Variants in GRIK4 observed in about 807,000 individuals in gnomAD.
GRIK4 encodes glutamate receptor ionotropic, kainate 4.
In GRIK4, 40 loss-of-function variants were observed where a neutral mutation model predicts 104.9. The ratio of observed to expected loss-of-function variants is 0.38; its 90% CI spans 0.30 to 0.50. The LOEUF (loss-of-function observed/expected upper bound fraction) is 0.50. Ranked by LOEUF, GRIK4 falls within the 20% of genes least tolerant of loss-of-function variation. The probability of loss-of-function intolerance (pLI) is 0.93; values close to 1 mark genes in which losing one functional copy is unlikely to be tolerated. For missense variants in GRIK4, 1,047 were observed against 1,308.1 expected (o/e 0.80, Z 3.08); for synonymous variants, 485 against 524.9 (o/e 0.92, Z 1.04).
chr11:120,822,354 G>C (rs1329755161), intron 6 of GRIK4, among the ~76,000 whole-genome samples: 1 of 152,112 alleles, frequency 6.6e-6, no homozygotes, highest in African/African-American at 2.4e-5. Flanking sequence ...AGAAGAAAGG[G>C]AGGCCCAGAA....
At chr11:120,830,034 AG>A (rs977109903) in intron 6 of GRIK4, among the ~76,000 whole-genome samples, 15 of 152,142 alleles carry the variant, frequency 9.9e-5, no homozygotes, top group African/African-American at 3.6e-4. Context: ...AGGCCTTCCC[AG>A]GGCTTCTTCC....
chr11:120,774,750 A>G (rs1470365442), intron 3 of GRIK4, among the ~76,000 whole-genome samples: 4 of 152,152 alleles, frequency 2.6e-5, no homozygotes, highest in African/African-American at 9.7e-5. Flanking sequence ...GTGGAGGGGA[A>G]AGATATCAGG....
chr11:120,575,304 C>T (rs868624593), intron 1 of GRIK4, among the ~76,000 whole-genome samples: 2 of 152,160 alleles, frequency 1.3e-5, no homozygotes, highest in Admixed American at 6.5e-5. Context: ...TTCCATTTAT[C>T]ATCTCAGGCC....
chr11:120,900,435 C>T (rs1942700348), intron 12 of GRIK4, among the ~76,000 whole-genome samples: 1 of 152,096 alleles, frequency 6.6e-6, no homozygotes, highest in South Asian at 2.1e-4. Context: ...ATATGCTGGG[C>T]ACTGTTGTAG....
At chr11:120,927,565 CAAAAAAAAAAAA>C (rs56223442) in intron 13 of GRIK4, among the ~76,000 whole-genome samples, 2 of 101,588 alleles carry the variant, frequency 2.0e-5, no homozygotes, top group African/African-American at 7.8e-5. Flanking sequence ...GACTCTGTCT[CAAAAAAAAAAAA>C]AAAAAAAAAA....
chr11:120,582,701 T>C (rs1175045969), intron 1 of GRIK4, among the ~76,000 whole-genome samples: 2 of 152,248 alleles, frequency 1.3e-5, no homozygotes, highest in African/African-American at 4.8e-5. Flanking sequence ...TTCTTTTTTA[T>C]GGCTGCGTAG....
intron 3 of GRIK4, among the ~76,000 whole-genome samples, chr11:120,696,484 G>T (rs906023034): frequency 1.4e-5 from 2 of 138,568 alleles, no homozygotes; most frequent in African/African-American, 5.2e-5. Context: ...GTGTCAGTGG[G>T]GGGGCATGTG....
intron 3 of GRIK4, among the ~76,000 whole-genome samples, chr11:120,681,266 G>A (rs1230163828): frequency 1.3e-5 from 2 of 152,160 alleles, no homozygotes; most frequent in African/African-American, 4.8e-5. Context: ...TCAGGGTGCA[G>A]GAGGGAAGCG....
At chr11:120,822,950 G>A (rs968831496) in intron 6 of GRIK4, among the ~76,000 whole-genome samples, 1 of 152,182 alleles carries the variant, frequency 6.6e-6, no homozygotes, top group African/African-American at 2.4e-5. Flanking sequence ...GAACACAGTG[G>A]GAAGCTCTGC....
intron 9 of GRIK4, chr11:120,873,533 T>C (rs1425413288): frequency 6.6e-6 from 1 of 152,496 alleles, no homozygotes; most frequent in East Asian, 1.9e-4. Context: ...GGCTTTGAAC[T>C]TACCATGTGC....
At chr11:120,703,140 A>C (rs567082730) in intron 3 of GRIK4, among the ~76,000 whole-genome samples, 1 of 152,350 alleles carries the variant, frequency 6.6e-6, no homozygotes, top group Admixed American at 6.5e-5. Flanking sequence ...GCTACTGAGC[A>C]CTTGAAATGT....
intron 8 of GRIK4, among the ~76,000 whole-genome samples, chr11:120,840,581 A>G (rs73003764): frequency 0.057 from 8,630 of 152,258 alleles, 262 homozygotes; most frequent in Middle Eastern, 0.088. Context: ...GCAGAGAGCA[A>G]CTATGAGGAA....
chr11:120,943,108 A>C (rs1357318190), intron 14 of GRIK4, among the ~76,000 whole-genome samples: 1 of 6,930 alleles, frequency 1.4e-4, no homozygotes, highest in East Asian at 9.1e-3. Flanking sequence ...GTCCCTCTCT[A>C]CACACACACA....
At chr11:120,620,018 G>T in intron 1 of GRIK4, 10 of 525,794 alleles carry the variant, frequency 1.9e-5, no homozygotes, top group Admixed American at 3.1e-5. Flanking sequence ...GGAGCTGTTA[G>T]CGTAGTGAAC....
Position 120,661,244 on chromosome 11 carries a change from C to T in GRIK4, c.82+844C>T, listed in dbSNP as rs12296070. On this transcript the variant is annotated intron_variant, in intron 3 of 20. Coordinates refer to ENST00000527524, the MANE Select transcript of GRIK4 (RefSeq NM_014619.5). ...GGATCAGGGGTGTCTATGTGTACAT[C>T]GGGGGATGGGGATTAGTGTGGACAG... Among the ~76,000 whole-genome samples, 1,257 of 152,092 alleles carry T rather than the reference C, an allele frequency of 8.3e-3. 26 individuals are homozygous for T. Among genetic ancestry groups the T allele is most frequent in the African/African-American group, 0.028 (1,161 of 41,480 alleles).
At chr11:120,777,990 T>G in intron 3 of GRIK4, among the ~76,000 whole-genome samples, 1 of 146,624 alleles carries the variant, frequency 6.8e-6, no homozygotes, top group African/African-American at 2.5e-5. Flanking sequence ...AGGGTAAGGA[T>G]GAGGTGGGGG....
At chr11:120,890,085 G>A (rs1053376267) in intron 11 of GRIK4, among the ~76,000 whole-genome samples, 9 of 152,068 alleles carry the variant, frequency 5.9e-5, no homozygotes, top group African/African-American at 1.9e-4. Flanking sequence ...ACTTCTGGCC[G>A]GCTGCATTCC....
At chr11:120,802,185 C>T (rs1952632241) in intron 3 of GRIK4, among the ~76,000 whole-genome samples, 1 of 152,212 alleles carries the variant, frequency 6.6e-6, no homozygotes, top group Admixed American at 6.5e-5. Flanking sequence ...CCATCGGTGT[C>T]AGAGCCTGGG....
At chr11:120,591,357 G>C (rs1157426251) in intron 1 of GRIK4, among the ~76,000 whole-genome samples, 1 of 152,084 alleles carries the variant, frequency 6.6e-6, no homozygotes, top group Non-Finnish European at 1.5e-5. Flanking sequence ...GATGCTGGCA[G>C]ATGGGCCTAG....
Sources: gnomAD v4.1 joint callset for allele counts (sites outside exome capture counted in the v4.1 genomes callset) on GRCh38, gnomAD v4.1.1 for gene constraint, MANE v1.5 for transcripts, NCBI Gene and HGNC (gene_info 2026-07-23, HGNC 2026-07-21) for gene names.